PYROXD2: variants seen among roughly 807,000 people sequenced by gnomAD.
PYROXD2 encodes the protein pyridine nucleotide-disulphide oxidoreductase domain 2.
Under a neutral mutation model 71.1 loss-of-function variants are expected in PYROXD2, and 69 were observed. That is an observed-to-expected ratio of 0.97 (90% confidence interval 0.80 to 1.19). PYROXD2 has a LOEUF of 1.19. PYROXD2 is among the 50% of genes most tolerant of loss of function. The pLI, the probability that PYROXD2 is intolerant of heterozygous loss-of-function variation, is 0.00. For missense variants in PYROXD2, 745 were observed against 748.9 expected (o/e 0.99, Z 0.06); for synonymous variants, 287 against 302.7 (o/e 0.95, Z 0.54).
At chr10:98,414,475 C>T (rs1294277329) in intron 1 of PYROXD2, among the ~76,000 whole-genome samples, 1 of 152,186 alleles carries the variant, frequency 6.6e-6, no homozygotes, top group Non-Finnish European at 1.5e-5. Flanking sequence ...CCTCTGCAGA[C>T]ACGCAGTAGG....
At chr10:98,403,167 C>A (rs1366935009) in intron 4 of PYROXD2, among the ~76,000 whole-genome samples, 1 of 152,230 alleles carries the variant, frequency 6.6e-6, no homozygotes, top group African/African-American at 2.4e-5. Context: ...TCCCTCCTAT[C>A]CCTAAGATGG....
chr10:98,394,543 AACACAC>A (rs58461142), intron 8 of PYROXD2, among the ~76,000 whole-genome samples: 338 of 141,870 alleles, frequency 2.4e-3, no homozygotes, highest in Middle Eastern at 3.6e-3. Flanking sequence ...TCTCCATCCC[AACACAC>A]ACACACACAC....
chr10:98,384,670 T>C (rs961422730), intron 15 of PYROXD2, among the ~76,000 whole-genome samples: 1 of 152,046 alleles, frequency 6.6e-6, no homozygotes, highest in African/African-American at 2.4e-5. Context: ...CAACCCCACA[T>C]TGGAATGTGG....
At chr10:98,385,842 C>T (rs533808967) in intron 14 of PYROXD2, among the ~76,000 whole-genome samples, 9 of 152,344 alleles carry the variant, frequency 5.9e-5, no homozygotes, top group African/African-American at 1.9e-4. Context: ...AGTCTGCCCG[C>T]CCCATGCCTG....
intron 12 of PYROXD2, among the ~76,000 whole-genome samples, chr10:98,389,021 TC>T: frequency 6.6e-6 from 1 of 152,072 alleles, no homozygotes; most frequent in Non-Finnish European, 1.5e-5. Flanking sequence ...GAGCATGTTC[TC>T]CCTCTGATCT....
In PYROXD2 at chr10:98,397,246, G is replaced by T. The variant is rs868736710; in HGVS notation, c.625+99C>A. ...CATGTTAACTGATCCCAGCTGGCAG[G>T]CTGCCATGGAGGTTCAGGCTTGTGT... On this transcript the variant is annotated intron_variant, in intron 6 of 15. Transcript: ENST00000370575. 3.5e-6 allele frequency: 5 copies of T among 1,432,000 alleles called. No homozygotes were observed. In the African/African-American group the frequency reaches 5.8e-5, roughly 16 times the overall value. The allele number at this position is 1,432,000 out of a possible 1,614,324, so 88.7% of individuals were successfully genotyped here.
At chr10:98,414,827 GTGCC>G in intron 1 of PYROXD2, 178 bp downstream of exon 1, 1 of 866,130 alleles carries the variant, frequency 1.2e-6, no homozygotes, top group Non-Finnish European at 1.7e-6. Context: ...GGAATCCCAG[GTGCC>G]TGCCTGCCAG....
chr10:98,392,692 C>A (rs1270506802), intron 9 of PYROXD2, 126 bp from the exon 10 acceptor site: 42 of 1,459,228 alleles, frequency 2.9e-5, no homozygotes, highest in Non-Finnish European at 3.7e-5. Context: ...ACCCATCCCA[C>A]CAAGTTCTGC....
At chr10:98,412,871 C>G (rs1160467164) in intron 1 of PYROXD2, among the ~76,000 whole-genome samples, 2 of 152,118 alleles carry the variant, frequency 1.3e-5, no homozygotes, top group African/African-American at 4.8e-5. Context: ...TGGCTGAGCA[C>G]GGAAGGAGGC....
chr10:98,391,693 G>A (rs1352545225), intron 10 of PYROXD2, among the ~76,000 whole-genome samples: 4 of 152,198 alleles, frequency 2.6e-5, no homozygotes, highest in African/African-American at 7.2e-5. Context: ...CTAGCAAACA[G>A]GATGCAAAGA....
intron 5 of PYROXD2, 90 bp from the exon 6 acceptor site, chr10:98,397,588 A>ACAAC: frequency 1.4e-6 from 2 of 1,433,374 alleles, no homozygotes; most frequent in Non-Finnish European, 1.8e-6. Flanking sequence ...CCACAGCTTG[A>ACAAC]CGGTTCCTCA....
chr10:98,397,196 C>T, intron 6 of PYROXD2, 149 bp downstream of exon 6: 1 of 1,090,702 alleles, frequency 9.2e-7, no homozygotes, highest in Admixed American at 2.6e-5. Flanking sequence ...ACAAAGTGCT[C>T]CAGGCTGCCC....
rs189787470 is a variant in PYROXD2, at chr10:98,407,569, G to A, written c.315+13C>T. 2.7e-4 allele frequency: 430 copies of A among 1,610,890 alleles called. 1 individual carries two copies. In the African/African-American group the frequency reaches 3.8e-3, roughly 14 times the overall value. On this transcript the variant is annotated intron_variant, in intron 4 of 15. Transcript: ENST00000370575. ...CCTCCCTCCGTGCAATCGGGCCGGC[G>A]GGGGGGCCCTACCTTCAGCTCCAGA...
rs759466799 is a variant in PYROXD2 at position 98,388,364 on chromosome 10, A to G, written c.1437T>C (p.Tyr479=). The change falls in exon 13 of 16, where the codon TAT becomes TAC. Residue 479 remains tyrosine (Y), a synonymous_variant. Transcript: ENST00000370575. ...TGCAGCTGTCTTTACCTCTGTCTGC[A>G]TAAGCGTCTCTCTCCTGCTCGTCCC... ...KAWDEQERDA[Y]ADRVFDCIEV... The G allele has an allele frequency of 1.2e-5, 20 of 1,613,714 alleles. No homozygotes were observed. The highest frequency in any genetic ancestry group is 2.2e-5 in the East Asian group (1 of 44,864).
chr10:98,393,450 C>T (rs1350886768), intron 8 of PYROXD2, among the ~76,000 whole-genome samples: 2 of 152,134 alleles, frequency 1.3e-5, no homozygotes, highest in African/African-American at 4.8e-5. Flanking sequence ...CAGCTGCTTC[C>T]CCTTCAATCT....
In PYROXD2 at chr10:98,390,685, T is replaced by C. The variant is rs1335953882; in HGVS notation, c.1205A>G (p.His402Arg). 7 of 1,612,318 alleles carry C rather than the reference T, an allele frequency of 4.3e-6. No homozygotes were observed. The African/African-American group carries it at 9.4e-5, about 22-fold the overall frequency. ...ACAGTTCAGGTGGATGGAGCATTGG[T>C]GATGGGGCAGCGGCTGGCCCCTGGG... ...NAPRGQPLPHHQCSIHLNCED... is the reference protein window; with the variant it reads ...NAPRGQPLPHRQCSIHLNCED... Residue 402 changes from histidine (H) to arginine (R), a missense_variant, in exon 12 of 16, where the codon CAC becomes CGC. Coordinates refer to ENST00000370575, the MANE Select transcript of PYROXD2 (RefSeq NM_032709.3).
chr10:98,394,643 T>C (rs1243891712), intron 8 of PYROXD2, among the ~76,000 whole-genome samples: 3 of 151,790 alleles, frequency 2.0e-5, no homozygotes, highest in Non-Finnish European at 2.9e-5. Context: ...CTTTGCTGTG[T>C]CTGACTGCCA....
chr10:98,411,075 A>G, intron 1 of PYROXD2, 117 bp from the exon 2 acceptor site: 1 of 1,440,072 alleles, frequency 6.9e-7, no homozygotes, highest in Non-Finnish European at 9.4e-7. Flanking sequence ...ATCCTTGGTG[A>G]CCCTCCCCTC....
At chr10:98,404,038 T>C (rs1843511449) in intron 4 of PYROXD2, among the ~76,000 whole-genome samples, 1 of 152,248 alleles carries the variant, frequency 6.6e-6, no homozygotes, top group Admixed American at 6.5e-5. Flanking sequence ...ATGGAGGCTC[T>C]GTCATTCTTA....
Sources: gnomAD v4.1 joint callset for allele counts (sites outside exome capture counted in the v4.1 genomes callset) on GRCh38, gnomAD v4.1.1 for gene constraint, MANE v1.5 for transcripts, NCBI Gene and HGNC (gene_info 2026-07-23, HGNC 2026-07-21) for gene names.